The following PREPL variants were observed in gnomAD, a reference collection of about 807,000 sequenced individuals.
PREPL encodes prolyl endopeptidase like.
In PREPL, 77 loss-of-function variants were observed where a neutral mutation model predicts 70.6. The ratio of observed to expected loss-of-function variants is 1.09; its 90% CI spans 0.91 to 1.32. PREPL has a LOEUF of 1.32. Ranked by LOEUF, PREPL falls within the 40% of genes most tolerant of loss-of-function variation. PREPL has a pLI of 0.00. For synonymous variants in PREPL, 315 were observed against 264.8 expected, an observed-to-expected ratio of 1.19 and a Z score of -1.84; for missense variants, 1,002 against 778.2, an observed-to-expected ratio of 1.29 and a Z score of -3.42.
Position 44,322,923 on chromosome 2 carries a change from G to GA in PREPL, c.1630-70dup, listed in dbSNP as rs934293134. ...GGTCCCTTGCCACTATAGAGACTAT[G>GA]AAAAATAATTACCTCCAATTTTTCC... On this transcript the variant is annotated intron_variant, in intron 11 of 13. Transcript: ENST00000409411. 5.8e-6 allele frequency: 9 copies of GA among 1,542,778 alleles called. No individual in the cohort carries two copies. The African/African-American group carries it at 1.2e-4, about 21-fold the overall frequency.
At position 44,339,227 on chromosome 2, in the gene PREPL, G is replaced by A. The variant is rs750625064; in HGVS notation, c.622C>T (p.His208Tyr). 35 of 1,613,966 alleles carry A rather than the reference G, an allele frequency of 2.2e-5. No individual in the cohort carries two copies. Among genetic ancestry groups the A allele is most frequent in the Non-Finnish European group, 2.8e-5 (33 of 1,179,960 alleles). Residue 208 changes from histidine to tyrosine, a missense_variant, in exon 6 of 14, where the codon CAT (histidine) becomes TAT (tyrosine). His to Tyr is a moderately conservative substitution (Grantham distance 83). Coordinates refer to ENST00000409411, the MANE Select transcript of PREPL (RefSeq NM_001171613.2). ...TGTTCAACATAGTAAAGGACCCCAT[G>A]TATTCGCTTCTGGATAAGTACTGGT... Reference protein sequence around the residue: ...DPPVLIQKRIHGVLYYVEHRD... With the variant: ...DPPVLIQKRIYGVLYYVEHRD...
chr2:44,333,401 A>T (rs1359476247), intron 7 of PREPL, among the ~76,000 whole-genome samples: 1 of 152,174 alleles, frequency 6.6e-6, no homozygotes, highest in Non-Finnish European at 1.5e-5. Flanking sequence ...AGGTTGACAG[A>T]GCGTTAGAAA....
At chr2:44,321,985 G>C (rs1227460356) in intron 12 of PREPL, 85 bp from the exon 13 acceptor site, 9 of 1,352,220 alleles carry the variant, frequency 6.7e-6, no homozygotes, top group Middle Eastern at 2.3e-4. Flanking sequence ...CCTCTTCTTT[G>C]AGTACTCAGT....
chr2:44,327,325 GT>G (rs1673613394), intron 9 of PREPL, among the ~76,000 whole-genome samples: 1 of 152,148 alleles, frequency 6.6e-6, no homozygotes, highest in African/African-American at 2.4e-5. Flanking sequence ...CAGCAATGTG[GT>G]GTCATTGCTA....
At position 44,321,344 on chromosome 2, in the gene PREPL, G is replaced by C. The variant is rs1271835722; in HGVS notation, c.*12C>G. The C allele has an allele frequency of 2.5e-6, 4 of 1,583,110 alleles. No individual in the cohort carries two copies. Among genetic ancestry groups the C allele is most frequent in the Non-Finnish European group, 3.5e-6 (4 of 1,153,062 alleles). On this transcript the variant is annotated 3_prime_UTR_variant, in exon 14 of 14. Transcript: ENST00000409411. Reference sequence around the variant, plus strand: ...TTCAGTGTGTTTCCAATTCCCAGTTGAATGCAGTGTTTCAGAATTTCAGGT... The same window carrying C: ...TTCAGTGTGTTTCCAATTCCCAGTTCAATGCAGTGTTTCAGAATTTCAGGT...
chr2:44,355,150 A>T (rs1433198295), intron 1 of PREPL, among the ~76,000 whole-genome samples: 2 of 151,870 alleles, frequency 1.3e-5, no homozygotes, highest in African/African-American at 2.4e-5. Flanking sequence ...CCAATCAGTT[A>T]AAAAAAATCA....
chr2:44,352,682 G>C (rs987251405), intron 1 of PREPL, among the ~76,000 whole-genome samples: 1 of 152,006 alleles, frequency 6.6e-6, no homozygotes, highest in African/African-American at 2.4e-5. Context: ...ATGGTGCATA[G>C]CAGGTGTTCA....
chr2:44,359,067 CTT>C (rs35700374), intron 1 of PREPL, among the ~76,000 whole-genome samples: 1,043 of 94,466 alleles, frequency 0.011, 12 homozygotes, highest in African/African-American at 0.029. Flanking sequence ...TATGTATACA[CTT>C]TTTTTTTTTT....
Position 44,357,085 on chromosome 2 carries a change from C to T in PREPL, c.-49+4295G>A, listed in dbSNP as rs557826422. On this transcript the variant is annotated intron_variant, in intron 1 of 13. Transcript: ENST00000409411. ...CCTCCCAATGTTCTGGGATTACTGGCGTGAGCCAGTATGCCTGATCAGAAC... is the reference window on the plus strand; with the variant it reads ...CCTCCCAATGTTCTGGGATTACTGGTGTGAGCCAGTATGCCTGATCAGAAC... Among the ~76,000 whole-genome samples the T allele has an allele frequency of 3.9e-5, 6 of 152,342 alleles. No individual in the cohort carries two copies. In the East Asian group the frequency reaches 1.2e-3, roughly 29 times the overall value.
chr2:44,347,321 A>C (rs1675934570), intron 1 of PREPL: 1 of 152,142 alleles, frequency 6.6e-6, no homozygotes, highest in Admixed American at 6.5e-5. Flanking sequence ...GCAGAGTGAG[A>C]CCCTGTCTCA....
chr2:44,325,074 A>AAACCTC (rs1204300019), intron 10 of PREPL, among the ~76,000 whole-genome samples: 1 of 152,132 alleles, frequency 6.6e-6, no homozygotes, highest in African/African-American at 2.4e-5. Context: ...TACCATATGA[A>AAACCTC]CTTTTTTGCA....
chr2:44,320,769 C>A lies in PREPL; in HGVS notation c.*587G>T. 2 of 808,174 alleles carry A rather than the reference C, an allele frequency of 2.5e-6. No homozygotes were observed. Among genetic ancestry groups the A allele is most frequent in the South Asian group, 1.5e-5 (1 of 67,210 alleles). The allele number at this position is 808,174 out of a possible 1,614,324, so 50.1% of individuals were successfully genotyped here. The stretch of plus-strand genomic sequence containing the variant: ...CGATATTTCTGTAGCTTGAATGTAA[C>A]TGCTTTAAGAAAGGTTCTCAAATGT... On this transcript the variant is annotated 3_prime_UTR_variant, in exon 14 of 14. Transcript: ENST00000409411.
At chr2:44,358,144 T>C (rs1357842937) in intron 1 of PREPL, among the ~76,000 whole-genome samples, 1 of 152,022 alleles carries the variant, frequency 6.6e-6, no homozygotes, top group Non-Finnish European at 1.5e-5. Flanking sequence ...ATGAGAAGAA[T>C]CTGCCCAAGT....
chr2:44,345,012 CT>C (rs1165168769), intron 2 of PREPL, among the ~76,000 whole-genome samples: 2 of 152,138 alleles, frequency 1.3e-5, no homozygotes, highest in African/African-American at 4.8e-5. Flanking sequence ...CAGTCTATAA[CT>C]TTCTGAGACT....
chr2:44,353,915 C>G (rs988030217), intron 1 of PREPL, among the ~76,000 whole-genome samples: 6 of 152,104 alleles, frequency 3.9e-5, no homozygotes, highest in African/African-American at 1.4e-4. Context: ...AATGCCAGCA[C>G]TCTGGGAGGC....
chr2:44,360,127 A>C (rs1169665330), intron 1 of PREPL: 1 of 155,752 alleles, frequency 6.4e-6, no homozygotes, highest in Non-Finnish European at 1.4e-5. Context: ...TCAGGGCTGT[A>C]AAAGGTAAAA....
rs765271455 is a variant in PREPL at position 44,343,967 on chromosome 2, T to G, written c.143-16A>C. The G allele has an allele frequency of 4.4e-6, 7 of 1,608,960 alleles. No homozygotes were observed. The highest frequency in any genetic ancestry group is 1.7e-4 in the Middle Eastern group (1 of 6,022). On this transcript the variant is annotated splice_polypyrimidine_tract_variant and intron_variant, in intron 3 of 13. Transcript: ENST00000409411. ...TCATTGTCTGCTGTATAAAGAAAAATACGAAAGTGATAACTTCAAAGGATG... is the reference window on the plus strand; with the variant it reads ...TCATTGTCTGCTGTATAAAGAAAAAGACGAAAGTGATAACTTCAAAGGATG...
chr2:44,344,466 A>G, intron 3 of PREPL, 54 bp downstream of exon 3: 2 of 1,235,284 alleles, frequency 1.6e-6, no homozygotes, highest in South Asian at 1.5e-5. Context: ...AATTTCCTAT[A>G]AAAAATATGA....
In PREPL at chr2:44,322,724, C is replaced by G. The variant is rs768510947; in HGVS notation, c.1753+7G>C. ...GCCATGTTCCCTGCTTCTAGGGGGT[C>G]TCCTACCTTCACCTGTGTCCTTAGC... is the stretch of plus-strand genomic sequence containing the variant. On this transcript the variant is annotated splice_region_variant and intron_variant, in intron 12 of 13. Transcript: ENST00000409411. The G allele has an allele frequency of 8.7e-6, 14 of 1,612,082 alleles. No individual in the cohort carries two copies. The highest frequency in any genetic ancestry group is 1.2e-5 in the Non-Finnish European group (14 of 1,179,062).
Sources: allele counts gnomAD v4.1 joint callset (sites outside exome capture counted in the v4.1 genomes callset), GRCh38; gene constraint gnomAD v4.1.1; transcripts MANE v1.5; gene names NCBI Gene and HGNC (gene_info 2026-07-23, HGNC 2026-07-21).